Variants in ISLR2 observed in about 807,000 individuals in gnomAD.
ISLR2 encodes the protein immunoglobulin superfamily containing leucine rich repeat 2, also known as immunoglobulin superfamily containing leucine-rich repeat protein 2.
Under a neutral mutation model 25.5 loss-of-function variants are expected in ISLR2, and 16 were observed. That is an observed-to-expected ratio of 0.63 (90% CI 0.43 to 0.95). The LOEUF is 0.95. Ranked by LOEUF, ISLR2 falls within the 40% of genes least tolerant of loss-of-function variation. The pLI is 0.00. For synonymous variants in ISLR2, 508 were observed against 486.6 expected (o/e 1.04, Z -0.58); for missense variants, 883 against 1,030.7 (o/e 0.86, Z 1.96).
upstream of ISLR2, chr15:74,127,373 G>A (rs1748005068): frequency 6.6e-6 from 1 of 152,232 alleles, no homozygotes; most frequent in South Asian, 2.1e-4. Flanking sequence ...GGGAGAGTGG[G>A]AGAGGTGTAT....
upstream of ISLR2, among the ~76,000 whole-genome samples, chr15:74,123,872 G>C (rs936659472): frequency 6.6e-6 from 1 of 152,302 alleles, no homozygotes; most frequent in African/African-American, 2.4e-5. Context: ...AGCTGGGTGC[G>C]ATGTGTGCCT....
chr15:74,129,081 G>A (rs1481582745), upstream of ISLR2: 5 of 456,582 alleles, frequency 1.1e-5, no homozygotes, highest in Middle Eastern at 9.8e-4. The surrounding 1 kb of genome is among the most constrained non-coding windows in gnomAD (Gnocchi z 4.5). Context: ...GGCGCCTTGC[G>A]CCCTCCCCAT....
In ISLR2 at chr15:74,134,573, C is replaced by A. The variant is rs1458099086; in HGVS notation, c.1819C>A (p.Pro607Thr). Residue 607 changes from proline (P) to threonine (T), a missense_variant, in exon 3 of 3, where the codon CCC (proline) becomes ACC (threonine). Pro to Thr is a conservative substitution (Grantham distance 38). Transcript: ENST00000453268. ...ATTCCTCCTGGTGCTGGCCACAGTG[C>A]CCCTTCTGGGCGCCGCCTGCTGCCA... Reference protein sequence around the residue: ...SVFLLVLATVPLLGAACCHLL... With the variant: ...SVFLLVLATVTLLGAACCHLL... 6.2e-7 allele frequency: 1 copy of A among 1,614,168 alleles called. No homozygotes were observed. The highest frequency in any genetic ancestry group is 1.3e-5 in the African/African-American group (1 of 75,080).
At chr15:74,124,884 G>A (rs540445445), upstream of ISLR2, among the ~76,000 whole-genome samples, 1 of 152,348 alleles carries the variant, frequency 6.6e-6, no homozygotes, top group Admixed American at 6.5e-5. Flanking sequence ...GGTGGCAGAG[G>A]GGAGAGATGA....
At chr15:74,115,504 G>A (rs1212190043) in intron 2 of ISLR2, among the ~76,000 whole-genome samples, 2 of 152,166 alleles carry the variant, frequency 1.3e-5, no homozygotes, top group Non-Finnish European at 2.9e-5. Flanking sequence ...AGGCCAGCCT[G>A]GCCAATATGG....
In ISLR2 at chr15:74,134,557, G is replaced by A. The variant is rs1389243313; in HGVS notation, c.1803G>A (p.Leu601=). The stretch of plus-strand genomic sequence containing the variant: ...TAGTGGCAGTGAGCGTATTCCTCCT[G>A]GTGCTGGCCACAGTGCCCCTTCTGG... ...LVIVAVSVFL[L]VLATVPLLGA... Residue 601 remains leucine (L), a synonymous_variant, in exon 3 of 3, where the codon CTG becomes CTA. Transcript: ENST00000453268. The A allele has an allele frequency of 4.3e-6, 7 of 1,614,022 alleles. No individual in the cohort carries two copies. The highest frequency in any genetic ancestry group is 2.5e-6 in the Non-Finnish European group (3 of 1,180,038).
chr15:74,135,833 G>A lies in ISLR2; in HGVS notation c.*841G>A, dbSNP rs1214384972. On this transcript the variant is annotated 3_prime_UTR_variant, in exon 3 of 3. Coordinates refer to ENST00000453268, the MANE Select transcript of ISLR2 (RefSeq NM_020851.3). ...TCCCTTTCAATCCCTACTCCCAGAA[G>A]CCGGGATTCGTGGCAACCCCTAGTT... is the stretch of plus-strand genomic sequence containing the variant. The A allele has an allele frequency of 6.0e-6, 1 of 167,046 alleles. No homozygotes were observed. The highest frequency in any genetic ancestry group is 2.1e-4 in the South Asian group (1 of 4,830). The allele number at this position is 167,046 out of a possible 1,614,324, so 10.3% of individuals were successfully genotyped here. A position where few individuals can be genotyped will look rare whatever the true frequency, so the allele number is the denominator to read the frequency against.
At chr15:74,128,638 A>AAAAG (rs765986116), upstream of ISLR2, 10 of 456,468 alleles carry the variant, frequency 2.2e-5, no homozygotes, top group Middle Eastern at 3.3e-4. Context: ...CGGAAGGCAA[A>AAAAG]AAAGAAAGAA....
chr15:74,131,586 G>C (rs368937529), intron 2 of ISLR2, among the ~76,000 whole-genome samples: 54 of 152,308 alleles, frequency 3.5e-4, no homozygotes, highest in Non-Finnish European at 1.3e-4. Context: ...AAGGTGTTAT[G>C]GGGAGGGGGT....
chr15:74,123,253 T>C (rs745391412), upstream of ISLR2, among the ~76,000 whole-genome samples: 72 of 151,458 alleles, frequency 4.8e-4, no homozygotes, highest in Non-Finnish European at 8.7e-4. Context: ...CGGGTTGCAG[T>C]GTGATGGGAG....
chr15:74,116,732 A>G (rs1475513011), intron 2 of ISLR2, among the ~76,000 whole-genome samples: 1 of 152,238 alleles, frequency 6.6e-6, no homozygotes, highest in African/African-American at 2.4e-5. Context: ...GAATGGCACA[A>G]GGGACAGGTG....
intron 2 of ISLR2, among the ~76,000 whole-genome samples, chr15:74,108,479 A>T (rs931324096): frequency 3.3e-5 from 5 of 151,134 alleles, no homozygotes; most frequent in South Asian, 2.1e-4. Context: ...CCGCCCCCAG[A>T]CCCCCCAAAG....
intron 2 of ISLR2, among the ~76,000 whole-genome samples, chr15:74,107,920 C>T (rs2072134240): frequency 6.6e-6 from 1 of 152,132 alleles, no homozygotes; most frequent in Non-Finnish European, 1.5e-5. Context: ...GGTGAATGCC[C>T]CTCCTTCCGG....
Position 74,132,787 on chromosome 15 carries a change from G to C in ISLR2, c.33G>C (p.Trp11Cys). 3 of 1,613,500 alleles carry C rather than the reference G, an allele frequency of 1.9e-6. No homozygotes were observed. The highest frequency in any genetic ancestry group is 2.5e-6 in the Non-Finnish European group (3 of 1,179,480). ...CCCTTCGGGCCCTGTGGTTGGTCTG[G>C]GCGCTTCTAGGAGTGGCCGGATCAT... is the stretch of plus-strand genomic sequence containing the variant. MFPLRALWLVWALLGVAGSCP... is the reference protein window; with the variant it reads MFPLRALWLVCALLGVAGSCP... Residue 11 changes from tryptophan to cysteine, a missense_variant, in exon 3 of 3, where the codon TGG becomes TGC. This residue lies in a region of ISLR2 where 271 missense variants were observed against 387.9 expected (regional missense o/e 0.70). Transcript: ENST00000453268. This position sits in a 1 kb window ranked among gnomAD's most constrained non-coding sequence, Gnocchi z 4.3.
At position 74,133,276 on chromosome 15, in the gene ISLR2, A is replaced by T; in HGVS notation, c.522A>T (p.Ser174=). 6.2e-7 allele frequency: 1 copy of T among 1,611,316 alleles called. No individual in the cohort carries two copies. Among genetic ancestry groups the T allele is most frequent in the South Asian group, 1.1e-5 (1 of 91,088 alleles). The change falls in exon 3 of 3, where the codon TCA becomes TCT. Residue 174 remains serine (S), a synonymous_variant. Coordinates refer to ENST00000453268, the MANE Select transcript of ISLR2 (RefSeq NM_020851.3). ...CCTTCGACGCGCTTAGCGCGCTGTC[A>T]CACTTGCAACTCTATCACAATCCCT... The part of the protein sequence containing the change: ...PGTFDALSAL[S]HLQLYHNPFH...
At chr15:74,141,086 A>G (rs1016596367), downstream of ISLR2, among the ~76,000 whole-genome samples, 3 of 152,234 alleles carry the variant, frequency 2.0e-5, no homozygotes, top group Non-Finnish European at 4.4e-5. Context: ...GTATCATTCC[A>G]TTGTTGAATA....
chr15:74,125,594 T>C (rs2072288643), upstream of ISLR2, among the ~76,000 whole-genome samples: 1 of 152,222 alleles, frequency 6.6e-6, no homozygotes. Flanking sequence ...GTTCCTCTTA[T>C]TCAGTGAGAC....
In ISLR2 at chr15:74,116,693, TATAAC is replaced by T. The variant is rs1485382898; in HGVS notation, n.228+12782_228+12786del. Among the ~76,000 whole-genome samples the T allele has an allele frequency of 9.3e-4, 141 of 152,210 alleles. 3 individuals carry two copies. Among genetic ancestry groups the T allele is most frequent in the Admixed American group, 9.2e-3 (141 of 15,272 alleles). On this transcript the variant is annotated intron_variant and non_coding_transcript_variant, in intron 2 of 3. Transcript: ENST00000561975. ...GCAAAAGTAATAACATTATGGGGTT[TATAAC>T]ATGTGGAAGTAAAATGATGATGAGA...
downstream of ISLR2, among the ~76,000 whole-genome samples, chr15:74,137,679 T>C (rs2072584122): frequency 2.0e-5 from 3 of 152,142 alleles, no homozygotes; most frequent in Admixed American, 1.3e-4. Context: ...GGAAGAGAGA[T>C]GGAAGAGGAA....
Sources: gnomAD v4.1 joint callset for allele counts (sites outside exome capture counted in the v4.1 genomes callset) on GRCh38, gnomAD v4.1.1 for gene constraint, gnomAD v4.1.1 regional missense constraint, Gnocchi (gnomAD v3.1) non-coding constraint, MANE v1.5 for transcripts, NCBI Gene and HGNC (gene_info 2026-07-23, HGNC 2026-07-21) for gene names.